Variants in PCDHAC2 observed in about 807,000 individuals in gnomAD.
PCDHAC2 encodes the protein protocadherin alpha subfamily C, 2.
In PCDHAC2, 24 loss-of-function variants were observed where a neutral mutation model predicts 63.3. The ratio of observed to expected loss-of-function variants is 0.38; its 90% confidence interval spans 0.27 to 0.53. PCDHAC2 has a LOEUF of 0.53. PCDHAC2 is among the 20% of genes least tolerant of loss of function. PCDHAC2 has a pLI of 0.81. For synonymous variants in PCDHAC2, 569 were observed against 529.4 expected (o/e 1.07, Z -1.03); for missense variants, 1,181 against 1,275.2 (o/e 0.93, Z 1.12).
chr5:140,993,266 T>G (rs1049781348), intron 3 of PCDHAC2, among the ~76,000 whole-genome samples: 1 of 152,182 alleles, frequency 6.6e-6, no homozygotes, highest in Non-Finnish European at 1.5e-5. Flanking sequence ...AATTAGCTTC[T>G]TTGGTCTTTT....
At chr5:140,969,501 A>G (rs2096338220) in intron 1 of PCDHAC2, 170 bp downstream of exon 1, 20 of 1,431,968 alleles carry the variant, frequency 1.4e-5, no homozygotes, top group Non-Finnish European at 1.9e-5. Context: ...CTCTCTAGAA[A>G]AATAGCACTA....
chr5:140,967,579 C>G lies in PCDHAC2; in HGVS notation c.813C>G (p.Pro271=). 7 of 1,614,154 alleles carry G rather than the reference C, an allele frequency of 4.3e-6. No homozygotes were observed. Among genetic ancestry groups the G allele is most frequent in the South Asian group, 1.1e-5 (1 of 91,084 alleles). The stretch of plus-strand genomic sequence containing the variant: ...GCGTCCAGCTACGGGAGGACTCACC[C>G]CCAGGCACATTGGTGGTGAAGCTGA... ...TYRVQLREDS[P]PGTLVVKLNA... is the part of the protein sequence containing the mutation. Residue 271 remains proline (P), a synonymous_variant, in exon 1 of 4, where the codon CCC becomes CCG. Transcript: ENST00000289269.
chr5:140,995,606 C>G (rs532220927), intron 3 of PCDHAC2, among the ~76,000 whole-genome samples: 30 of 152,102 alleles, frequency 2.0e-4, no homozygotes, highest in Non-Finnish European at 3.7e-4. Context: ...TTTTTCTTCT[C>G]CCAAACCAAA....
chr5:141,002,333 G>T (rs782123745), intron 3 of PCDHAC2, among the ~76,000 whole-genome samples: 1 of 152,196 alleles, frequency 6.6e-6, no homozygotes, highest in African/African-American at 2.4e-5. Context: ...GGCTGCATCC[G>T]CACCCCTTCC....
rs1554229021 is a variant in PCDHAC2, at chr5:140,966,979, C to T, written c.213C>T (p.Arg71=). The change falls in exon 1 of 4, where the codon CGC becomes CGT. Residue 71 remains arginine (R), a synonymous_variant. Coordinates refer to ENST00000289269, the MANE Select transcript of PCDHAC2 (RefSeq NM_018899.6). ...VARALGLELR[R]LGPGCLRINH... ...GCGCGCTGGGGCTTGAGCTGCGGCG[C>T]TTGGGGCCGGGTTGCTTGCGCATCA... The T allele has an allele frequency of 2.5e-6, 4 of 1,603,612 alleles. No individual in the cohort carries two copies. The highest frequency in any genetic ancestry group is 1.7e-5 in the Admixed American group (1 of 59,832).
At chr5:140,969,608 CAG>C in intron 1 of PCDHAC2, 1 of 747,330 alleles carries the variant, frequency 1.3e-6, no homozygotes, top group South Asian at 2.1e-5. Flanking sequence ...TGCTAAAACA[CAG>C]ATTTGTAGAG....
intron 1 of PCDHAC2, among the ~76,000 whole-genome samples, chr5:140,978,477 G>A (rs1362771671): frequency 6.6e-6 from 1 of 152,342 alleles, no homozygotes; most frequent in African/African-American, 2.4e-5. Context: ...ATATGCTGCA[G>A]TCTGCAAAGC....
intron 3 of PCDHAC2, among the ~76,000 whole-genome samples, chr5:141,004,120 T>C (rs1340380913): frequency 6.6e-6 from 1 of 152,178 alleles, no homozygotes; most frequent in African/African-American, 2.4e-5. Flanking sequence ...AAAGGGAGTA[T>C]CTCCATGATT....
chr5:141,000,555 G>A (rs1395458694), intron 3 of PCDHAC2, among the ~76,000 whole-genome samples: 1 of 148,762 alleles, frequency 6.7e-6, no homozygotes, highest in Non-Finnish European at 1.5e-5. Context: ...AAACTCCCGA[G>A]TAGCTGGGAT....
At chr5:140,978,030 A>T (rs2096786422) in intron 1 of PCDHAC2, among the ~76,000 whole-genome samples, 1 of 152,194 alleles carries the variant, frequency 6.6e-6, no homozygotes, top group Non-Finnish European at 1.5e-5. Flanking sequence ...GCTTACTGAT[A>T]CAAGACAGTG....
intron 2 of PCDHAC2, among the ~76,000 whole-genome samples, chr5:140,980,990 G>T (rs1344931215): frequency 6.6e-6 from 1 of 152,116 alleles, no homozygotes. Flanking sequence ...CACACAATTT[G>T]CTAGTAGGAT....
intron 1 of PCDHAC2, among the ~76,000 whole-genome samples, chr5:140,971,717 T>C (rs2096494226): frequency 6.6e-6 from 1 of 152,012 alleles, no homozygotes; most frequent in Non-Finnish European, 1.5e-5. Flanking sequence ...TATAGATATA[T>C]GTATATCATA....
chr5:140,994,314 C>T (rs936811729), intron 3 of PCDHAC2, among the ~76,000 whole-genome samples: 4 of 152,192 alleles, frequency 2.6e-5, no homozygotes, highest in African/African-American at 9.6e-5. Flanking sequence ...AGGGCCCAAA[C>T]ACTCTCAGCA....
rs782091529 is a variant in PCDHAC2, at chr5:140,966,839, C to T, written c.73C>T (p.Leu25=). 14 of 1,567,058 alleles carry T rather than the reference C, an allele frequency of 8.9e-6. No homozygotes were observed. The highest frequency in any genetic ancestry group is 1.1e-5 in the Non-Finnish European group (13 of 1,160,402). The change falls in exon 1 of 4, where the codon CTA becomes TTA. Residue 25 remains leucine (L), a synonymous_variant. Coordinates refer to ENST00000289269, the MANE Select transcript of PCDHAC2 (RefSeq NM_018899.6). ...CCGGCGGCCCATGCCCTGGCTGCTGCTACTGCCTCTCCTGCTGCTGTTGCT... is the reference window on the plus strand; with the variant it reads ...CCGGCGGCCCATGCCCTGGCTGCTGTTACTGCCTCTCCTGCTGCTGTTGCT... ...RLRRPMPWLL[L]LPLLLLLLLL...
At chr5:140,991,420 A>G (rs1413227137) in intron 3 of PCDHAC2, among the ~76,000 whole-genome samples, 2 of 152,234 alleles carry the variant, frequency 1.3e-5, no homozygotes, top group Admixed American at 6.5e-5. Flanking sequence ...GCTATAACAA[A>G]TTAACCATAA....
At chr5:141,003,668 A>G (rs1353003376) in intron 3 of PCDHAC2, among the ~76,000 whole-genome samples, 1 of 152,196 alleles carries the variant, frequency 6.6e-6, no homozygotes, top group Non-Finnish European at 1.5e-5. Context: ...ATTAAAATAT[A>G]TGTTGTTCTG....
intron 3 of PCDHAC2, among the ~76,000 whole-genome samples, chr5:140,998,221 C>G (rs1478098925): frequency 1.3e-5 from 2 of 152,160 alleles, no homozygotes; most frequent in Non-Finnish European, 2.9e-5. Flanking sequence ...TAACCACACC[C>G]AGAAATTTGT....
chr5:140,978,701 G>A (rs1240672824), intron 1 of PCDHAC2, among the ~76,000 whole-genome samples: 1 of 152,236 alleles, frequency 6.6e-6, no homozygotes, highest in African/African-American at 2.4e-5. Context: ...AAAGCCAAAG[G>A]TGGCCTTTAC....
chr5:140,982,482 C>T lies in PCDHAC2; in HGVS notation c.2632C>T (p.His878Tyr), dbSNP rs782273708. 1.9e-6 allele frequency: 3 copies of T among 1,614,054 alleles called. No individual in the cohort carries two copies. Among genetic ancestry groups the T allele is most frequent in the East Asian group, 4.5e-5 (2 of 44,894 alleles). The change falls in exon 3 of 4, where the codon CAC (histidine) becomes TAC (tyrosine). Residue 878 changes from histidine to tyrosine, a missense_variant. Physicochemically the swap from His to Tyr is moderately conservative, Grantham distance 83. Around this residue, in one of 3 missense-constraint regions of PCDHAC2, gnomAD observed 968 missense variants for 1,073.5 expected, o/e 0.90. Transcript: ENST00000289269. ...SLRAGMHSSV[H>Y]LEEAGILRAG... ...GTCTGTGTGTTTATTCAGCTCTGTGCACCTAGAGGAGGCTGGCATTCTACG... is the reference window on the plus strand; with the variant it reads ...GTCTGTGTGTTTATTCAGCTCTGTGTACCTAGAGGAGGCTGGCATTCTACG...
Sources: gnomAD v4.1 joint callset for allele counts (sites outside exome capture counted in the v4.1 genomes callset) on GRCh38, gnomAD v4.1.1 for gene constraint, gnomAD v4.1.1 regional missense constraint, MANE v1.5 for transcripts, NCBI Gene and HGNC (gene_info 2026-07-23, HGNC 2026-07-21) for gene names.